The following OGDH variants were observed in gnomAD, a reference collection of about 807,000 sequenced individuals.
OGDH encodes the protein oxoglutarate dehydrogenase, also known as 2-oxoglutarate dehydrogenase complex component E1.
Under a neutral mutation model 116.6 loss-of-function variants are expected in OGDH, and 38 were observed. That is an observed-to-expected ratio of 0.33 (90% CI 0.25 to 0.43). The LOEUF (loss-of-function observed/expected upper bound fraction) is 0.43. Among genes scored for constraint, OGDH ranks in the 20% least tolerant of loss-of-function variants. The pLI is 1.00. For synonymous variants in OGDH, 488 were observed against 533.3 expected, an observed-to-expected ratio of 0.92 and a Z score of 1.17; for missense variants, 825 against 1,357.2, an observed-to-expected ratio of 0.61 and a Z score of 6.16.
chr7:44,626,983 G>A (rs1191428459), intron 2 of OGDH, among the ~76,000 whole-genome samples: 2 of 152,032 alleles, frequency 1.3e-5, no homozygotes, highest in African/African-American at 2.4e-5. Context: ...CATGTTTTTT[G>A]TTTGTTTGTT....
chr7:44,623,072 C>G (rs768128014), intron 1 of OGDH, among the ~76,000 whole-genome samples: 2 of 152,196 alleles, frequency 1.3e-5, no homozygotes, highest in Non-Finnish European at 2.9e-5. Context: ...CTCCCTTGCT[C>G]AGACCTGGCT....
intron 4 of OGDH, among the ~76,000 whole-genome samples, chr7:44,651,373 A>T (rs2115860196): frequency 6.6e-6 from 1 of 152,314 alleles, no homozygotes; most frequent in South Asian, 2.1e-4. Context: ...AAGATAATTA[A>T]CAAGTAGACT....
At chr7:44,686,689 C>CTTTTTTTTT (rs35917984) in intron 10 of OGDH, among the ~76,000 whole-genome samples, 15 of 133,208 alleles carry the variant, frequency 1.1e-4, no homozygotes, top group African/African-American at 2.6e-4. Flanking sequence ...TTCTTTTTTT[C>CTTTTTTTTT]TTTTTTTTTT....
intron 4 of OGDH, among the ~76,000 whole-genome samples, chr7:44,660,623 G>GGGTGA (rs1175032694): frequency 2.0e-5 from 3 of 152,214 alleles, no homozygotes; most frequent in Non-Finnish European, 1.5e-5. Flanking sequence ...TTGTTGGGTG[G>GGGTGA]AGTATTCTCT....
chr7:44,688,484 G>T (rs1221776188), intron 10 of OGDH, among the ~76,000 whole-genome samples: 3 of 141,514 alleles, frequency 2.1e-5, no homozygotes, highest in South Asian at 2.2e-4. Context: ...AAGCTGGAGT[G>T]CAGTGGTGTG....
Position 44,624,561 on chromosome 7 carries a change from A to G in OGDH, c.218A>G (p.His73Arg), listed in dbSNP as rs754160721. The G allele has an allele frequency of 6.2e-7, 1 of 1,613,274 alleles. No homozygotes were observed. The highest frequency in any genetic ancestry group is 1.1e-5 in the South Asian group (1 of 91,048). ...CAWLENPKSV[H>R]KSWDIFFRNT... ...TGGCTGGAAAACCCCAAAAGTGTAC[A>G]TAAGGTAAGGCTCGCAGGGCTGTGG... The change falls in exon 2 of 23, where the codon CAT becomes CGT. Residue 73 changes from histidine to arginine, a missense_variant. This residue lies in a region of OGDH where 126 missense variants were observed against 130.4 expected (regional missense o/e 0.97). Coordinates refer to ENST00000222673, the MANE Select transcript of OGDH (RefSeq NM_002541.4).
In OGDH at chr7:44,649,248, T is replaced by G. The variant is rs931399717; in HGVS notation, c.517+1489T>G. 7.2e-3 allele frequency among the ~76,000 whole-genome samples: 963 copies of G among 133,454 alleles called. 11 individuals are homozygous for G. Among genetic ancestry groups the G allele is most frequent in the African/African-American group, 0.027 (890 of 33,036 alleles). The allele number at this position is 133,454 out of a possible 152,430, so 87.6% of individuals were successfully genotyped here. On this transcript the variant is annotated intron_variant, in intron 4 of 22. Coordinates refer to ENST00000222673, the MANE Select transcript of OGDH (RefSeq NM_002541.4). ...TGCGGAATGCTCATTTTCTGTTGTTTTTTTTTTTTTTTTTTTTTTGAGATG... is the reference window on the plus strand; with the variant it reads ...TGCGGAATGCTCATTTTCTGTTGTTGTTTTTTTTTTTTTTTTTTTGAGATG...
intron 4 of OGDH, among the ~76,000 whole-genome samples, chr7:44,654,542 A>G (rs149517334): frequency 1.3e-5 from 2 of 152,226 alleles, no homozygotes; most frequent in African/African-American, 4.8e-5. Context: ...GATATAGAGC[A>G]GTTCATTTAG....
chr7:44,624,593 C>G lies in OGDH; in HGVS notation c.222+28C>G, dbSNP rs369808367. On this transcript the variant is annotated intron_variant, in intron 2 of 22. Transcript: ENST00000222673. ...AAGGCTCGCAGGGCTGTGGGTCTGC[C>G]TCATGTTGGTGTGTTGGCCTGTTCC... 5 of 1,587,728 alleles carry G rather than the reference C, an allele frequency of 3.1e-6. No homozygotes were observed. The African/African-American group carries it at 5.4e-5, about 17-fold the overall frequency.
intron 2 of OGDH, among the ~76,000 whole-genome samples, chr7:44,631,981 C>G (rs1585249428): frequency 6.6e-6 from 1 of 152,172 alleles, no homozygotes; most frequent in African/African-American, 2.4e-5. Context: ...AACAGGGGCT[C>G]ACGGTCACTC....
chr7:44,680,335 A>T (rs1456970041), intron 9 of OGDH, among the ~76,000 whole-genome samples: 1 of 152,178 alleles, frequency 6.6e-6, no homozygotes, highest in Non-Finnish European at 1.5e-5. Flanking sequence ...AAAGAGGTAT[A>T]GGCTGTGTAT....
At chr7:44,623,717 C>A (rs980289566) in intron 1 of OGDH, among the ~76,000 whole-genome samples, 1 of 152,202 alleles carries the variant, frequency 6.6e-6, no homozygotes, top group Non-Finnish European at 1.5e-5. Flanking sequence ...GCAATCTCGG[C>A]TCACTGCAGC....
intron 10 of OGDH, 83 bp downstream of exon 10, chr7:44,681,931 G>C: frequency 1.3e-6 from 2 of 1,526,028 alleles, no homozygotes; most frequent in Non-Finnish European, 1.8e-6. Context: ...GACGTTCACT[G>C]TTTTCTGATT....
At chr7:44,647,836 C>T in intron 4 of OGDH, 77 bp downstream of exon 4, 1 of 1,097,302 alleles carries the variant, frequency 9.1e-7, no homozygotes, top group Admixed American at 1.8e-5. Context: ...CCAGGATGTC[C>T]AGGCAGGAGG....
In OGDH at chr7:44,693,965, G is replaced by C; in HGVS notation, c.1476G>C (p.Glu492Asp). ...TGTACGTGTGCAAAGTGGCGGCCGAGTGGAGGAGCACCTTCCACAAGGACG... is the reference window on the plus strand; with the variant it reads ...TGTACGTGTGCAAAGTGGCGGCCGACTGGAGGAGCACCTTCCACAAGGACG... Reference protein sequence around the residue: ...AVMYVCKVAAEWRSTFHKDVV... With the variant: ...AVMYVCKVAADWRSTFHKDVV... The change falls in exon 11 of 23, where the codon GAG (glutamate) becomes GAC (aspartate). Residue 492 changes from glutamate (E) to aspartate (D), a missense_variant. By Grantham distance (45) the Glu-to-Asp change is conservative. Around this residue, in one of 7 missense-constraint regions of OGDH, gnomAD observed 146 missense variants for 317.3 expected, o/e 0.46. Coordinates refer to ENST00000222673, the MANE Select transcript of OGDH (RefSeq NM_002541.4). 6.2e-7 allele frequency: 1 copy of C among 1,614,056 alleles called. No individual in the cohort carries two copies. Among genetic ancestry groups the C allele is most frequent in the Non-Finnish European group, 8.5e-7 (1 of 1,179,938 alleles).
chr7:44,623,157 C>G (rs1036837491), intron 1 of OGDH, among the ~76,000 whole-genome samples: 2 of 152,138 alleles, frequency 1.3e-5, no homozygotes, highest in African/African-American at 4.8e-5. Flanking sequence ...GTGGCTTTTC[C>G]TTACCCTTCG....
intron 2 of OGDH, among the ~76,000 whole-genome samples, chr7:44,629,575 C>CTTTTTTTTTTT (rs1037295168): frequency 1.2e-4 from 16 of 134,426 alleles, no homozygotes; most frequent in East Asian, 2.3e-4. Flanking sequence ...TTTTCTTTTT[C>CTTTTTTTTTTT]TTTTCTTTTT....
At chr7:44,676,608 G>GTATA (rs1246335205) in intron 9 of OGDH, 17 of 121,568 alleles carry the variant, frequency 1.4e-4, no homozygotes, top group African/African-American at 9.9e-4. Flanking sequence ...GTATGTGTGT[G>GTATA]TGTGTGTATA....
chr7:44,620,552 T>C (rs1435147673), intron 1 of OGDH, among the ~76,000 whole-genome samples: 1 of 152,248 alleles, frequency 6.6e-6, no homozygotes, highest in Non-Finnish European at 1.5e-5. Context: ...GACGTGGAAC[T>C]CTAGTTGTCC....
Sources: allele counts gnomAD v4.1 joint callset (sites outside exome capture counted in the v4.1 genomes callset), GRCh38; gene constraint gnomAD v4.1.1; regional missense constraint gnomAD v4.1.1; transcripts MANE v1.5; gene names NCBI Gene and HGNC (gene_info 2026-07-23, HGNC 2026-07-21).